Variants in PRDM11 observed in about 807,000 individuals in gnomAD.
The protein encoded by PRDM11 is PR domain-containing protein 11.
Under a neutral mutation model 97.8 loss-of-function variants are expected in PRDM11, and 20 were observed. The ratio of observed to expected loss-of-function variants is 0.20; its 90% CI spans 0.14 to 0.30. The LOEUF (loss-of-function observed/expected upper bound fraction) is 0.30, where lower values mean the gene tolerates loss of function less well. Ranked by LOEUF, PRDM11 falls within the 10% of genes least tolerant of loss-of-function variation. The pLI is 1.00. For missense variants in PRDM11, 1,139 were observed against 1,555.2 expected (o/e 0.73, Z 4.50); for synonymous variants, 599 against 637.7 (o/e 0.94, Z 0.91).
chr11:45,216,228 C>T (rs1201021674), intron 5 of PRDM11: 2 of 152,360 alleles, frequency 1.3e-5, no homozygotes, highest in African/African-American at 4.8e-5. Flanking sequence ...TGAAATGCCT[C>T]AATAAGCACT....
chr11:45,117,852 G>A (rs537771741), intron 1 of PRDM11, among the ~76,000 whole-genome samples: 76 of 152,278 alleles, frequency 5.0e-4, no homozygotes, highest in African/African-American at 1.8e-3. Context: ...TGGAAAGAAG[G>A]GAAAACGAGT....
intron 4 of PRDM11, among the ~76,000 whole-genome samples, chr11:45,186,638 G>T (rs1464686853): frequency 2.0e-5 from 3 of 152,140 alleles, no homozygotes; most frequent in Non-Finnish European, 2.9e-5. Context: ...AAGCCAGATT[G>T]CCATGGATTA....
intron 1 of PRDM11, among the ~76,000 whole-genome samples, chr11:45,134,775 A>T (rs369388784): frequency 1.5e-4 from 22 of 146,648 alleles, no homozygotes; most frequent in Admixed American, 4.9e-4. Context: ...TTTAATTTTT[A>T]AAAAATGTAT....
chr11:45,190,133 GCACA>G (rs149979412), intron 4 of PRDM11, among the ~76,000 whole-genome samples: 16 of 149,500 alleles, frequency 1.1e-4, no homozygotes, highest in African/African-American at 1.2e-4. Flanking sequence ...ACACACACGT[GCACA>G]CACACACACA....
rs3837385 is a variant in PRDM11, at chr11:45,213,842, T to TC, written c.555-5724dup. 2.0e-3 allele frequency: 826 copies of TC among 414,894 alleles called. 9 individuals are homozygous for TC. The highest frequency in any genetic ancestry group is 9.3e-3 in the East Asian group (130 of 13,916). The allele number at this position is 414,894 out of a possible 1,614,324, so 25.7% of individuals were successfully genotyped here. A position where few individuals can be genotyped will look rare whatever the true frequency, so the allele number is the denominator to read the frequency against. The stretch of plus-strand genomic sequence containing the variant: ...AAGCCAGGGTATCGGTTTTCCCAGC[T>TC]CCCCTGTCAGAGGCCAGATCTGGAG... On this transcript the variant is annotated intron_variant, in intron 5 of 7. Transcript: ENST00000683152.
At position 45,229,650 on chromosome 11, in the gene PRDM11, G is replaced by T. The variant is rs1325890759; in HGVS notation, c.*1491G>T. On this transcript the variant is annotated 3_prime_UTR_variant, in exon 8 of 8. Coordinates refer to ENST00000683152, the MANE Select transcript of PRDM11 (RefSeq NM_001384648.1). ...AACTACCGGTATACCTCGCAAGGGA[G>T]TTTTAAAAAATGTGCGTGAGCTGTT... 6.6e-6 allele frequency: 1 copy of T among 152,208 alleles called. No homozygotes were observed. The highest frequency in any genetic ancestry group is 1.5e-5 in the Non-Finnish European group (1 of 68,040). 9.4% of individuals were successfully genotyped at this position (152,208 alleles called of 1,614,324 possible).
chr11:45,131,518 T>C (rs1178708229), intron 1 of PRDM11, among the ~76,000 whole-genome samples: 2 of 152,232 alleles, frequency 1.3e-5, no homozygotes, highest in Non-Finnish European at 2.9e-5. Flanking sequence ...ATTTTGTTTC[T>C]AGAAAATTAC....
Position 45,226,605 on chromosome 11 carries a change from C to T in PRDM11, c.1980C>T (p.Val660=), listed in dbSNP as rs764331931. ...ERIRQSPCLS[V]ILDGQSDDLL... ...TCCGCCAGTCACCTTGCCTCAGCGT[C>T]ATCCTGGATGGGCAGAGCGACGACC... Residue 660 remains valine, a synonymous_variant, in exon 8 of 8, where the codon GTC becomes GTT. Transcript: ENST00000683152. 2.6e-6 allele frequency: 4 copies of T among 1,533,866 alleles called. No homozygotes were observed. The highest frequency in any genetic ancestry group is 2.4e-5 in the East Asian group (1 of 40,924).
chr11:45,168,158 C>A (rs1349289258), intron 1 of PRDM11, among the ~76,000 whole-genome samples: 1 of 151,790 alleles, frequency 6.6e-6, no homozygotes, highest in Non-Finnish European at 1.5e-5. Flanking sequence ...AATAGCAGGG[C>A]AGGATGGAAC....
intron 1 of PRDM11, among the ~76,000 whole-genome samples, chr11:45,174,772 A>G (rs1403829982): frequency 6.6e-6 from 1 of 152,234 alleles, no homozygotes; most frequent in Non-Finnish European, 1.5e-5. Flanking sequence ...AGAAGCAAAA[A>G]GAAGAAAACA....
chr11:45,197,935 G>A (rs925487911), intron 4 of PRDM11, among the ~76,000 whole-genome samples: 10 of 152,052 alleles, frequency 6.6e-5, no homozygotes, highest in African/African-American at 2.2e-4. Context: ...ACGAGTTAAC[G>A]GGTGCAGCAC....
Position 45,226,579 on chromosome 11 carries a change from A to T in PRDM11, c.1954A>T (p.Ile652Phe). ...CCTGCGGGAAGACCTGGTGGAGCGC[A>T]TCCGCCAGTCACCTTGCCTCAGCGT... is the stretch of plus-strand genomic sequence containing the variant. The part of the protein sequence containing the change: ...RALREDLVER[I>F]RQSPCLSVIL... The change falls in exon 8 of 8, where the codon ATC becomes TTC. Residue 652 changes from isoleucine to phenylalanine, a missense_variant. By Grantham distance (21) the Ile-to-Phe change is conservative (BLOSUM62 0). Around this residue, in one of 2 missense-constraint regions of PRDM11, gnomAD observed 710 missense variants for 1,044.9 expected, o/e 0.68. Coordinates refer to ENST00000683152, the MANE Select transcript of PRDM11 (RefSeq NM_001384648.1). 1.3e-6 allele frequency: 2 copies of T among 1,533,926 alleles called. No individual in the cohort carries two copies. The highest frequency in any genetic ancestry group is 1.7e-6 in the Non-Finnish European group (2 of 1,146,730).
In PRDM11 at chr11:45,207,273, C is replaced by A. The variant is rs374013257; in HGVS notation, c.554+2495C>A. ...TCTCCTTTGCACTGTCATGGCACCGCTTGGGGATGATTGAATGGACTCTGT... is the reference window on the plus strand; with the variant it reads ...TCTCCTTTGCACTGTCATGGCACCGATTGGGGATGATTGAATGGACTCTGT... On this transcript the variant is annotated intron_variant, in intron 5 of 7. Transcript: ENST00000683152. 3.3e-5 allele frequency among the ~76,000 whole-genome samples: 5 copies of A among 152,162 alleles called. No homozygotes were observed. In the East Asian group the frequency reaches 5.8e-4, roughly 18 times the overall value.
intron 1 of PRDM11, among the ~76,000 whole-genome samples, chr11:45,162,954 G>C (rs1482732960): frequency 6.6e-6 from 1 of 152,228 alleles, no homozygotes; most frequent in Non-Finnish European, 1.5e-5. Flanking sequence ...TGATGGGGAG[G>C]GTCCAGTGTG....
chr11:45,121,069 C>T (rs764457875), intron 1 of PRDM11, among the ~76,000 whole-genome samples: 14 of 151,586 alleles, frequency 9.2e-5, no homozygotes, highest in Non-Finnish European at 1.6e-4. Flanking sequence ...CAAAAATAGT[C>T]GATAAGTCAA....
chr11:45,122,958 A>G (rs1852473761), intron 1 of PRDM11, among the ~76,000 whole-genome samples: 1 of 152,184 alleles, frequency 6.6e-6, no homozygotes, highest in Non-Finnish European at 1.5e-5. Flanking sequence ...TAGTCCCACC[A>G]ACAGTGTAAA....
chr11:45,102,697 C>A (rs974265455), intron 1 of PRDM11, among the ~76,000 whole-genome samples: 1 of 152,190 alleles, frequency 6.6e-6, no homozygotes, highest in Non-Finnish European at 1.5e-5. Context: ...ACCTGTGACA[C>A]ACACCCTGGG....
chr11:45,155,782 G>A (rs1473614931), intron 1 of PRDM11, among the ~76,000 whole-genome samples: 2 of 151,844 alleles, frequency 1.3e-5, no homozygotes, highest in Admixed American at 1.3e-4. Flanking sequence ...GAGATATTGG[G>A]TCTCCAGAAG....
At chr11:45,135,910 G>A (rs1852831989) in intron 1 of PRDM11, among the ~76,000 whole-genome samples, 2 of 152,178 alleles carry the variant, frequency 1.3e-5, no homozygotes, top group Admixed American at 6.5e-5. Context: ...TCAAAAACAA[G>A]GGAAGTATGA....
Sources: allele counts gnomAD v4.1 joint callset (sites outside exome capture counted in the v4.1 genomes callset), GRCh38; gene constraint gnomAD v4.1.1; regional missense constraint gnomAD v4.1.1; transcripts MANE v1.5; gene names NCBI Gene and HGNC (gene_info 2026-07-23, HGNC 2026-07-21).